Variants in ITK observed in about 807,000 individuals in gnomAD.
ITK encodes tyrosine-protein kinase ITK/TSK.
Under a neutral mutation model 87.6 loss-of-function variants are expected in ITK, and 45 were observed. That is an observed-to-expected ratio of 0.51 (90% CI 0.40 to 0.66). ITK has a LOEUF of 0.66. ITK is among the 30% of genes least tolerant of loss of function. The pLI is 0.00. For synonymous variants in ITK, 303 were observed against 273.6 expected, an observed-to-expected ratio of 1.11 and a Z score of -1.06; for missense variants, 605 against 766.3, an observed-to-expected ratio of 0.79 and a Z score of 2.48.
chr5:157,180,954 G>C lies in ITK; in HGVS notation c.-24G>C. On this transcript the variant is annotated 5_prime_UTR_variant, in exon 1 of 17. Coordinates refer to ENST00000422843, the MANE Select transcript of ITK (RefSeq NM_005546.4). ...TGTGCTAAGAGGTGATGCCCAAGGTGCACCACCTTTCAAGAACTGGATCAT... is the reference window on the plus strand; with the variant it reads ...TGTGCTAAGAGGTGATGCCCAAGGTCCACCACCTTTCAAGAACTGGATCAT... The C allele has an allele frequency of 6.8e-6, 11 of 1,612,862 alleles. No homozygotes were observed. The highest frequency in any genetic ancestry group is 9.3e-6 in the Non-Finnish European group (11 of 1,179,060).
At chr5:157,217,981 C>T in intron 5 of ITK, 74 bp downstream of exon 5, 1 of 1,263,348 alleles carries the variant, frequency 7.9e-7, no homozygotes, top group South Asian at 1.2e-5. Flanking sequence ...ATTTGCATGT[C>T]CCCCTCTCCC....
intron 6 of ITK, among the ~76,000 whole-genome samples, chr5:157,227,832 T>C (rs1305436452): frequency 2.2e-5 from 3 of 137,504 alleles, no homozygotes; most frequent in Admixed American, 7.2e-5. Context: ...CTTTTTTTTT[T>C]TTTTTTTTTT....
chr5:157,197,455 T>A (rs1181407457), intron 1 of ITK, among the ~76,000 whole-genome samples: 2 of 152,254 alleles, frequency 1.3e-5, no homozygotes, highest in African/African-American at 4.8e-5. Context: ...TCCTCCTGCT[T>A]CACACTCTCT....
rs1755212710 is a variant in ITK, at chr5:157,254,492, C to T, written c.*1814C>T. On this transcript the variant is annotated 3_prime_UTR_variant, in exon 17 of 17. Coordinates refer to ENST00000422843, the MANE Select transcript of ITK (RefSeq NM_005546.4). ...TGAACACTTCATGAGGAGGGACATTCCCTGATATAAGAGAGGATGGTGTTG... is the reference window on the plus strand; with the variant it reads ...TGAACACTTCATGAGGAGGGACATTTCCTGATATAAGAGAGGATGGTGTTG... The T allele has an allele frequency of 4.5e-6, 1 of 220,440 alleles. No individual in the cohort carries two copies. The highest frequency in any genetic ancestry group is 9.1e-6 in the Non-Finnish European group (1 of 110,152). The allele number at this position is 220,440 out of a possible 1,614,324, so 13.7% of individuals were successfully genotyped here.
intron 6 of ITK, among the ~76,000 whole-genome samples, chr5:157,225,964 C>A (rs1754523713): frequency 6.6e-6 from 1 of 152,174 alleles, no homozygotes; most frequent in Admixed American, 6.5e-5. Context: ...CTTAACTATG[C>A]ACTTCAAAGG....
At chr5:157,187,191 G>C (rs1166620672) in intron 1 of ITK, among the ~76,000 whole-genome samples, 1 of 152,206 alleles carries the variant, frequency 6.6e-6, no homozygotes, top group African/African-American at 2.4e-5. Flanking sequence ...TTTCTTCACA[G>C]CACATGCTGA....
At chr5:157,207,231 G>A (rs1754097017) in intron 1 of ITK, among the ~76,000 whole-genome samples, 1 of 151,786 alleles carries the variant, frequency 6.6e-6, no homozygotes, top group African/African-American at 2.4e-5. Flanking sequence ...TTCTCTTAGG[G>A]TCCCTGGCTG....
At chr5:157,220,509 G>A (rs13183325) in intron 5 of ITK, among the ~76,000 whole-genome samples, 2,484 of 152,236 alleles carry the variant, frequency 0.016, 27 homozygotes, top group Non-Finnish European at 0.027. Flanking sequence ...CTCTGTGAGG[G>A]CCCCTCAGCC....
At chr5:157,250,075 TTAAC>T (rs1205522789) in intron 16 of ITK, among the ~76,000 whole-genome samples, 1 of 152,240 alleles carries the variant, frequency 6.6e-6, no homozygotes, top group African/African-American at 2.4e-5. Flanking sequence ...TATTCATACA[TTAAC>T]TAAAGTTCAT....
At chr5:157,184,964 C>G (rs1753612192) in intron 1 of ITK, among the ~76,000 whole-genome samples, 1 of 152,154 alleles carries the variant, frequency 6.6e-6, no homozygotes, top group Non-Finnish European at 1.5e-5. Context: ...TTCCAGTAAG[C>G]ATCTGGGTGA....
At chr5:157,207,578 A>G (rs1034914113) in intron 1 of ITK, among the ~76,000 whole-genome samples, 44 of 151,700 alleles carry the variant, frequency 2.9e-4, no homozygotes, top group African/African-American at 1.0e-3. Context: ...GTGGGGTTTC[A>G]CCATGTTGGG....
rs1580894224 is a variant in ITK at position 157,222,956 on chromosome 5, G to C, written c.589G>C (p.Glu197Gln). ...GGAACTCGCACTGCGGCGCAACGAA[G>C]AGTACTGCCTGCTGGACAGTTCTGA... ...PQELALRRNE[E>Q]YCLLDSSEIH... Residue 197 changes from glutamate (E) to glutamine (Q), a missense_variant, in exon 6 of 17, where the codon GAG becomes CAG. This residue lies in a region of ITK where 464 missense variants were observed against 578.0 expected (regional missense o/e 0.80). Transcript: ENST00000422843. 1 of 1,614,152 alleles carries C rather than the reference G, an allele frequency of 6.2e-7. No individual in the cohort carries two copies. Among genetic ancestry groups the C allele is most frequent in the East Asian group, 2.2e-5 (1 of 44,868 alleles).
At chr5:157,204,775 T>C (rs1754046934) in intron 1 of ITK, among the ~76,000 whole-genome samples, 1 of 152,234 alleles carries the variant, frequency 6.6e-6, no homozygotes, top group South Asian at 2.1e-4. Context: ...TACAGTGTTT[T>C]CATTTGTCAC....
chr5:157,213,458 G>A, intron 3 of ITK: 1 of 389,702 alleles, frequency 2.6e-6, no homozygotes, highest in Non-Finnish European at 5.0e-6. Flanking sequence ...GCTCACTGCA[G>A]CCTCGACCTA....
intron 6 of ITK, 29 bp downstream of exon 6, chr5:157,223,043 G>A (rs575471681): frequency 6.8e-6 from 11 of 1,613,436 alleles, no homozygotes; most frequent in Admixed American, 3.3e-5. Flanking sequence ...TGCTGTCCCC[G>A]TGTTTGAGGT....
Position 157,253,617 on chromosome 5 carries a change from G to GC in ITK, c.*946dup, listed in dbSNP as rs1008301383. The GC allele has an allele frequency of 2.9e-4, 67 of 228,438 alleles. No individual in the cohort carries two copies. The East Asian group carries it at 3.9e-3, about 13-fold the overall frequency. The allele number at this position is 228,438 out of a possible 1,614,324, so 14.2% of individuals were successfully genotyped here. A position where few individuals can be genotyped will look rare whatever the true frequency, so the allele number is the denominator to read the frequency against. On this transcript the variant is annotated 3_prime_UTR_variant, in exon 17 of 17. Coordinates refer to ENST00000422843, the MANE Select transcript of ITK (RefSeq NM_005546.4). ...CCTTTTTTCCAGCCTCTGGGAATCA[G>GC]CCCCCCCTCTCTGCACTATCCGATC...
At chr5:157,227,362 T>C (rs1754552826) in intron 6 of ITK, among the ~76,000 whole-genome samples, 1 of 152,234 alleles carries the variant, frequency 6.6e-6, no homozygotes, top group Non-Finnish European at 1.5e-5. Flanking sequence ...ATTATGTTTT[T>C]TGTTTATGCA....
chr5:157,232,518 G>A (rs1299380286), intron 8 of ITK, 124 bp downstream of exon 8: 1 of 497,048 alleles, frequency 2.0e-6, no homozygotes, highest in African/African-American at 2.0e-5. Flanking sequence ...GGAGTTCAAG[G>A]TTACAGTGAG....
intron 13 of ITK, chr5:157,245,514 A>G: frequency 1.6e-6 from 1 of 620,590 alleles, no homozygotes; most frequent in Non-Finnish European, 2.9e-6. Context: ...AGATAAACTT[A>G]CTCATCTTGA....
Sources: allele counts gnomAD v4.1 joint callset (sites outside exome capture counted in the v4.1 genomes callset), GRCh38; gene constraint gnomAD v4.1.1; regional missense constraint gnomAD v4.1.1; transcripts MANE v1.5; gene names NCBI Gene and HGNC (gene_info 2026-07-23, HGNC 2026-07-21).